ANKRD6: variants seen among roughly 807,000 people sequenced by gnomAD.
The protein encoded by ANKRD6 is ankyrin repeat domain-containing protein 6.
A neutral mutation model predicts 82.3 loss-of-function variants in ANKRD6; 56 were observed. The ratio of observed to expected loss-of-function variants is 0.68; its 90% CI spans 0.55 to 0.85. The LOEUF is 0.85. Among genes scored for constraint, ANKRD6 ranks in the 40% least tolerant of loss-of-function variants. The pLI, the probability that ANKRD6 is intolerant of heterozygous loss-of-function variation, is 0.00. For synonymous variants in ANKRD6, 347 were observed against 352.1 expected, an observed-to-expected ratio of 0.99 and a Z score of 0.16; for missense variants, 852 against 907.6, an observed-to-expected ratio of 0.94 and a Z score of 0.79.
At chr6:89,488,586 A>G (rs1777636814) in intron 1 of ANKRD6, among the ~76,000 whole-genome samples, 4 of 152,232 alleles carry the variant, frequency 2.6e-5, no homozygotes, top group Admixed American at 2.0e-4. Flanking sequence ...CAGATTTCTG[A>G]AAATACATTT....
chr6:89,482,727 A>G (rs1050367569), intron 1 of ANKRD6, among the ~76,000 whole-genome samples: 9 of 152,180 alleles, frequency 5.9e-5, no homozygotes, highest in African/African-American at 1.9e-4. Context: ...AACCCCCAGA[A>G]TAAATCTACT....
intron 7 of ANKRD6, among the ~76,000 whole-genome samples, chr6:89,614,769 G>A (rs1031181812): frequency 2.3e-4 from 34 of 151,076 alleles, no homozygotes; most frequent in African/African-American, 7.1e-4. Context: ...TGAAGCTGTG[G>A]TGAGTGAGCC....
At chr6:89,453,776 A>T (rs1562534737) in intron 1 of ANKRD6, among the ~76,000 whole-genome samples, 30 of 148,014 alleles carry the variant, frequency 2.0e-4, no homozygotes, top group Non-Finnish European at 4.5e-5. Flanking sequence ...TTATTTATTT[A>T]ATATTTTTAT....
intron 4 of ANKRD6, among the ~76,000 whole-genome samples, chr6:89,604,783 T>C (rs1563017513): frequency 6.6e-6 from 1 of 152,144 alleles, no homozygotes. Flanking sequence ...CCCCATCCCC[T>C]GGCCTTTGAG....
At chr6:89,597,742 C>T (rs1266577910) in intron 3 of ANKRD6, among the ~76,000 whole-genome samples, 1 of 152,112 alleles carries the variant, frequency 6.6e-6, no homozygotes, top group Admixed American at 6.6e-5. Flanking sequence ...TTTTCCTTGT[C>T]CTAGAGAGAC....
chr6:89,435,060 C>T (rs752744499), intron 1 of ANKRD6, among the ~76,000 whole-genome samples: 2 of 152,094 alleles, frequency 1.3e-5, no homozygotes, highest in East Asian at 3.8e-4. Context: ...AACTCATCAG[C>T]CTCCCCAAAG....
chr6:89,628,909 G>A lies in ANKRD6; in HGVS notation c.1486-203G>A. ...ATGAGGCCCCACCTCCAACACTGGG[G>A]ATCAAATTTCAACATGAGATTTGGA... On this transcript the variant is annotated intron_variant, in intron 14 of 15. Coordinates refer to ENST00000339746, the MANE Select transcript of ANKRD6 (RefSeq NM_001242809.2). 2.5e-5 allele frequency: 14 copies of A among 571,356 alleles called. No individual in the cohort carries two copies. The South Asian group carries it at 2.9e-4, about 12-fold the overall frequency. 35.4% of individuals were successfully genotyped at this position (571,356 alleles called of 1,614,324 possible).
At chr6:89,532,190 ACT>A (rs961967344) in intron 1 of ANKRD6, among the ~76,000 whole-genome samples, 2 of 152,106 alleles carry the variant, frequency 1.3e-5, no homozygotes, top group African/African-American at 4.8e-5. Context: ...ATCCAAAAAC[ACT>A]CTCACAGAAA....
intron 1 of ANKRD6, among the ~76,000 whole-genome samples, chr6:89,486,885 G>T (rs1045750532): frequency 6.6e-6 from 1 of 152,118 alleles, no homozygotes; most frequent in African/African-American, 2.4e-5. Context: ...CATTGTGAAG[G>T]CTTCACCCTC....
At chr6:89,474,000 A>G (rs928410695) in intron 1 of ANKRD6, among the ~76,000 whole-genome samples, 4 of 152,036 alleles carry the variant, frequency 2.6e-5, no homozygotes, top group Non-Finnish European at 4.4e-5. Flanking sequence ...CAAAACAAAA[A>G]TTTTCAATTT....
chr6:89,585,280 T>C (rs144695254), intron 2 of ANKRD6, among the ~76,000 whole-genome samples: 1 of 152,268 alleles, frequency 6.6e-6, no homozygotes, highest in Admixed American at 6.5e-5. Context: ...AGACTGAATG[T>C]TTTTCTGCTG....
chr6:89,612,468 A>C, intron 6 of ANKRD6, 98 bp downstream of exon 6: 1 of 1,252,342 alleles, frequency 8.0e-7, no homozygotes, highest in Non-Finnish European at 1.1e-6. Context: ...CTAGAAATTA[A>C]AATGTAAAAA....
At chr6:89,453,312 A>T (rs1426668423) in intron 1 of ANKRD6, among the ~76,000 whole-genome samples, 1 of 152,240 alleles carries the variant, frequency 6.6e-6, no homozygotes, top group Non-Finnish European at 1.5e-5. Context: ...ACTCTCTGTT[A>T]TAATTGTATA....
At chr6:89,604,720 C>T (rs1194193105) in intron 4 of ANKRD6, among the ~76,000 whole-genome samples, 3 of 152,176 alleles carry the variant, frequency 2.0e-5, no homozygotes, top group Non-Finnish European at 4.4e-5. Flanking sequence ...CCTCCTTCTG[C>T]AGTCAGTCCC....
intron 8 of ANKRD6, among the ~76,000 whole-genome samples, chr6:89,617,512 C>T (rs139219713): frequency 6.6e-5 from 10 of 152,332 alleles, no homozygotes; most frequent in Admixed American, 1.3e-4. Flanking sequence ...TCTGCTCCTC[C>T]GGCGTCTTCC....
At chr6:89,544,443 C>T (rs865995934) in intron 1 of ANKRD6, among the ~76,000 whole-genome samples, 2 of 152,248 alleles carry the variant, frequency 1.3e-5, no homozygotes, top group South Asian at 4.1e-4. Flanking sequence ...TGTCCGGGCA[C>T]AGTGGCTCAC....
At chr6:89,506,281 A>G (rs1204998220) in intron 1 of ANKRD6, among the ~76,000 whole-genome samples, 1 of 152,210 alleles carries the variant, frequency 6.6e-6, no homozygotes, top group Non-Finnish European at 1.5e-5. Flanking sequence ...GAATGTATGC[A>G]TATATCAAAA....
intron 5 of ANKRD6, among the ~76,000 whole-genome samples, chr6:89,607,671 T>TC (rs1491009213): frequency 6.6e-6 from 1 of 151,806 alleles, no homozygotes; most frequent in Admixed American, 6.6e-5. Context: ...TTTTTTTTTT[T>TC]TGGATACAGA....
Position 89,609,597 on chromosome 6 carries a change from C to T in ANKRD6, c.418-2675C>T, listed in dbSNP as rs191556911. Among the ~76,000 whole-genome samples the T allele has an allele frequency of 9.0e-4, 137 of 151,748 alleles. 1 individual carries two copies. The highest frequency in any genetic ancestry group is 1.4e-3 in the Non-Finnish European group (93 of 67,928). Reference sequence around the variant, plus strand: ...GATTACAGGAGTGAGCCACCGAACCCGGCCTGTAATCACCACGTTTTTTTG... The same window carrying T: ...GATTACAGGAGTGAGCCACCGAACCTGGCCTGTAATCACCACGTTTTTTTG... On this transcript the variant is annotated intron_variant, in intron 5 of 15. Coordinates refer to ENST00000339746, the MANE Select transcript of ANKRD6 (RefSeq NM_001242809.2).
Sources: gnomAD v4.1 joint callset for allele counts (sites outside exome capture counted in the v4.1 genomes callset) on GRCh38, gnomAD v4.1.1 for gene constraint, MANE v1.5 for transcripts, NCBI Gene and HGNC (gene_info 2026-07-23, HGNC 2026-07-21) for gene names.